NRG1: variants seen among roughly 807,000 people sequenced by gnomAD.
NRG1 encodes pro-neuregulin-1, membrane-bound isoform.
In NRG1, 18 loss-of-function variants were observed where a neutral mutation model predicts 63.8. That is an observed-to-expected ratio of 0.28 (90% CI 0.19 to 0.42). The LOEUF is 0.42. NRG1 is among the 10% of genes least tolerant of loss of function. NRG1 has a pLI of 1.00. For missense variants in NRG1, 762 were observed against 814.7 expected, an observed-to-expected ratio of 0.94 and a Z score of 0.79; for synonymous variants, 302 against 301.3, an observed-to-expected ratio of 1.00 and a Z score of -0.02.
At chr8:31,898,037 A>G (rs1224743908) in intron 1 of NRG1, among the ~76,000 whole-genome samples, 5 of 139,652 alleles carry the variant, frequency 3.6e-5, no homozygotes, top group Non-Finnish European at 6.3e-5. Flanking sequence ...AAAAAAAAAG[A>G]GAGAGAAGGA....
chr8:32,644,711 G>C (rs1853128799), intron 5 of NRG1, among the ~76,000 whole-genome samples: 1 of 152,094 alleles, frequency 6.6e-6, no homozygotes, highest in Non-Finnish European at 1.5e-5. Flanking sequence ...TTCTCTCTCT[G>C]ATGTGTTGTC....
At chr8:32,042,394 A>G (rs1820204349) in intron 1 of NRG1, among the ~76,000 whole-genome samples, 1 of 152,136 alleles carries the variant, frequency 6.6e-6, no homozygotes, top group African/African-American at 2.4e-5. Flanking sequence ...TCGAGGCTGC[A>G]GTGAGCACAT....
At chr8:31,921,080 TG>T (rs1159474969) in intron 1 of NRG1, among the ~76,000 whole-genome samples, 3 of 152,224 alleles carry the variant, frequency 2.0e-5, no homozygotes, top group African/African-American at 7.2e-5. Flanking sequence ...TCAAACTGTG[TG>T]GAATTTTCTG....
rs1481913657 is a variant in NRG1, at chr8:31,655,315, C to T, written c.37+15884C>T. 3.3e-5 allele frequency among the ~76,000 whole-genome samples: 5 copies of T among 152,130 alleles called. No homozygotes were observed. The East Asian group carries it at 7.7e-4, about 23-fold the overall frequency. On this transcript the variant is annotated intron_variant, in intron 1 of 10. Transcript: ENST00000519301. ...GGTTACACAAATAATTATATAATTA[C>T]AGTTGTGCTAAGCCTCATGAGGGAA...
At chr8:32,154,308 G>A (rs962782309) in intron 1 of NRG1, among the ~76,000 whole-genome samples, 1 of 151,830 alleles carries the variant, frequency 6.6e-6, no homozygotes, top group Non-Finnish European at 1.5e-5. Context: ...TCTCAAGAGA[G>A]TAATGTGCTA....
chr8:32,119,908 C>A (rs182576012), intron 1 of NRG1, among the ~76,000 whole-genome samples: 1 of 152,146 alleles, frequency 6.6e-6, no homozygotes, highest in East Asian at 1.9e-4. Context: ...AGTTAGCTTC[C>A]TCTAAAAAAT....
intron 1 of NRG1, among the ~76,000 whole-genome samples, chr8:32,131,046 G>C (rs1585522861): frequency 1.3e-5 from 2 of 152,050 alleles, no homozygotes; most frequent in South Asian, 4.2e-4. Context: ...AAATAACAAA[G>C]AGGAAGGTTA....
chr8:32,463,788 C>T (rs1197291769), intron 1 of NRG1, among the ~76,000 whole-genome samples: 3 of 149,820 alleles, frequency 2.0e-5, no homozygotes, highest in Non-Finnish European at 4.4e-5. Context: ...CTACGGTAAG[C>T]CATGATTGCA....
chr8:32,702,050 ATC>A (rs993109701), intron 5 of NRG1, among the ~76,000 whole-genome samples: 18 of 152,184 alleles, frequency 1.2e-4, no homozygotes, highest in African/African-American at 4.3e-4. Flanking sequence ...ACAACTTCTC[ATC>A]TTTGAGACTT....
At chr8:31,714,898 G>GT (rs1812196465) in intron 1 of NRG1, among the ~76,000 whole-genome samples, 1 of 152,092 alleles carries the variant, frequency 6.6e-6, no homozygotes, top group Non-Finnish European at 1.5e-5. Context: ...TAGGCTAATT[G>GT]TAACTTTAGT....
chr8:32,031,666 G>A (rs1004893970), intron 1 of NRG1, among the ~76,000 whole-genome samples: 6 of 152,120 alleles, frequency 3.9e-5, no homozygotes, highest in Non-Finnish European at 5.9e-5. Context: ...CTGTGTCCAT[G>A]TGTTCTTATT....
At chr8:32,418,362 C>T (rs898644706) in intron 1 of NRG1, among the ~76,000 whole-genome samples, 1 of 150,974 alleles carries the variant, frequency 6.6e-6, no homozygotes, top group Non-Finnish European at 1.5e-5. Context: ...ATAATATACT[C>T]TCTTTAACTC....
intron 1 of NRG1, among the ~76,000 whole-genome samples, chr8:32,530,203 G>T (rs948401959): frequency 2.6e-5 from 4 of 151,958 alleles, no homozygotes; most frequent in African/African-American, 9.7e-5. Context: ...CGCCTCCCGG[G>T]TTCATGCCAT....
intron 1 of NRG1, among the ~76,000 whole-genome samples, chr8:31,676,202 A>G (rs1807678121): frequency 6.6e-6 from 1 of 152,102 alleles, no homozygotes; most frequent in African/African-American, 2.4e-5. Context: ...GCATGGGAAC[A>G]GCCTTTTGCC....
chr8:32,066,144 C>A (rs1824776388), intron 1 of NRG1, among the ~76,000 whole-genome samples: 1 of 152,230 alleles, frequency 6.6e-6, no homozygotes. Context: ...GTTGCCTGTT[C>A]ATTCTGATGG....
intron 1 of NRG1, among the ~76,000 whole-genome samples, chr8:31,666,214 G>A (rs779076056): frequency 1.3e-5 from 2 of 152,194 alleles, no homozygotes; most frequent in Non-Finnish European, 2.9e-5. Flanking sequence ...TTAGATCTAA[G>A]AGGCTGAAAT....
At chr8:32,747,673 T>C (rs1258173228) in intron 7 of NRG1, among the ~76,000 whole-genome samples, 2 of 150,890 alleles carry the variant, frequency 1.3e-5, no homozygotes, top group Non-Finnish European at 2.9e-5. Flanking sequence ...TGCTTCCCAT[T>C]ATCCTTGTTA....
At chr8:32,405,127 G>C (rs1043587563) in intron 1 of NRG1, among the ~76,000 whole-genome samples, 25 of 152,158 alleles carry the variant, frequency 1.6e-4, no homozygotes, top group Non-Finnish European at 2.8e-4. Flanking sequence ...GGCTGTCCCT[G>C]TTGCCTCTGG....
intron 1 of NRG1, among the ~76,000 whole-genome samples, chr8:32,482,294 G>T (rs1198919392): frequency 6.6e-6 from 1 of 152,086 alleles, no homozygotes; most frequent in Non-Finnish European, 1.5e-5. Flanking sequence ...ACAGGAAATT[G>T]GGAGGAGAGT....
Sources: gnomAD v4.1 joint callset for allele counts (sites outside exome capture counted in the v4.1 genomes callset) on GRCh38, gnomAD v4.1.1 for gene constraint, MANE v1.5 for transcripts, NCBI Gene and HGNC (gene_info 2026-07-23, HGNC 2026-07-21) for gene names.